Variants in JARID2 observed in about 807,000 individuals in gnomAD.
JARID2 encodes the protein protein Jumonji.
Under a neutral mutation model 125.6 loss-of-function variants are expected in JARID2, and 21 were observed. The observed-to-expected ratio is 0.17, with a 90% CI of 0.12 to 0.24. JARID2 has a LOEUF of 0.24. JARID2 is among the 10% of genes least tolerant of loss of function. The probability of loss-of-function intolerance (pLI) is 1.00; values close to 1 mark genes in which losing one functional copy is unlikely to be tolerated. For synonymous variants in JARID2, 736 were observed against 661.6 expected (o/e 1.11, Z -1.73); for missense variants, 1,303 against 1,639.6 (o/e 0.79, Z 3.55).
At chr6:15,259,817 G>T (rs1039208089) in intron 1 of JARID2, among the ~76,000 whole-genome samples, 4 of 152,124 alleles carry the variant, frequency 2.6e-5, no homozygotes. Flanking sequence ...TTCTAAAAAA[G>T]GATTTTAAAG....
chr6:15,255,025 CAAAA>C (rs539161155), intron 1 of JARID2, among the ~76,000 whole-genome samples: 8 of 141,628 alleles, frequency 5.6e-5, no homozygotes, highest in Admixed American at 1.4e-4. Context: ...AAACAAAAAA[CAAAA>C]AAAAAACACC....
At chr6:15,248,456 T>C (rs1476131503) in intron 1 of JARID2, 5 of 17,880 alleles carry the variant, frequency 2.8e-4, no homozygotes, top group African/African-American at 1.1e-3. Flanking sequence ...GGCGGGGGCG[T>C]GGGCGTGCCG....
intron 1 of JARID2, among the ~76,000 whole-genome samples, chr6:15,360,803 C>T (rs1763765808): frequency 6.6e-6 from 1 of 152,166 alleles, no homozygotes; most frequent in African/African-American, 2.4e-5. Context: ...CTGCGCCCAA[C>T]CTAGTCTTTC....
chr6:15,452,740 T>A (rs1343573226), intron 4 of JARID2, among the ~76,000 whole-genome samples: 3 of 152,234 alleles, frequency 2.0e-5, no homozygotes, highest in Non-Finnish European at 4.4e-5. Flanking sequence ...GGATTTGGGA[T>A]CTGCTGAATA....
intron 1 of JARID2, chr6:15,314,944 C>T (rs1561787390): frequency 6.6e-6 from 1 of 152,130 alleles, no homozygotes; most frequent in African/African-American, 2.4e-5. Context: ...AGCACATATA[C>T]TAAAATTGGA....
At chr6:15,332,935 C>CTT (rs33921682) in intron 1 of JARID2, among the ~76,000 whole-genome samples, 189 of 42,014 alleles carry the variant, frequency 4.5e-3, no homozygotes, top group Admixed American at 0.01. Flanking sequence ...CTTTTCTTTT[C>CTT]TTTTTTTTTT....
chr6:15,469,501 C>T (rs938373751), intron 5 of JARID2, among the ~76,000 whole-genome samples: 7 of 148,800 alleles, frequency 4.7e-5, no homozygotes, highest in Non-Finnish European at 7.4e-5. Context: ...GGCGCGATCT[C>T]GGCTCACTGC....
chr6:15,375,730 G>T (rs557760404), intron 2 of JARID2, among the ~76,000 whole-genome samples: 1 of 152,330 alleles, frequency 6.6e-6, no homozygotes, highest in South Asian at 2.1e-4. Context: ...TTGATTAAAT[G>T]TGGGGGGTTG....
chr6:15,438,492 C>T (rs1317362068), intron 3 of JARID2, among the ~76,000 whole-genome samples: 2 of 152,146 alleles, frequency 1.3e-5, no homozygotes, highest in Non-Finnish European at 2.9e-5. Context: ...TAGTTCATTT[C>T]CATGATTCCT....
intron 1 of JARID2, among the ~76,000 whole-genome samples, chr6:15,250,752 G>GTTTC (rs1759414290): frequency 6.6e-6 from 1 of 152,054 alleles, no homozygotes; most frequent in Admixed American, 6.6e-5. Flanking sequence ...CCTCATAGTG[G>GTTTC]GTTAAACCAG....
rs191884888 is a variant in JARID2 at position 15,472,795 on chromosome 6, G to A, written c.670+4077G>A. 1.2e-4 allele frequency among the ~76,000 whole-genome samples: 18 copies of A among 152,328 alleles called. No homozygotes were observed. The South Asian group carries it at 1.2e-3, about 11-fold the overall frequency. Reference sequence around the variant, plus strand: ...TGTTCAGTCTGTGTTAGGCCTGCCCGTTCCTGAGCAGGCACTCACTTCCTG... The same window carrying A: ...TGTTCAGTCTGTGTTAGGCCTGCCCATTCCTGAGCAGGCACTCACTTCCTG... On this transcript the variant is annotated intron_variant, in intron 5 of 17. Coordinates refer to ENST00000341776, the MANE Select transcript of JARID2 (RefSeq NM_004973.4).
Position 15,496,750 on chromosome 6 carries a change from C to T in JARID2, c.1525C>T (p.Pro509Ser). The T allele has an allele frequency of 1.2e-6, 2 of 1,613,624 alleles. No homozygotes were observed. Among genetic ancestry groups the T allele is most frequent in the Non-Finnish European group, 1.7e-6 (2 of 1,179,940 alleles). Residue 509 changes from proline (P) to serine (S), a missense_variant, in exon 7 of 18, where the codon CCA becomes TCA. By Grantham distance (74) the Pro-to-Ser change is moderately conservative. This residue lies in a region of JARID2 where 651 missense variants were observed against 581.6 expected (regional missense o/e 1.12). Coordinates refer to ENST00000341776, the MANE Select transcript of JARID2 (RefSeq NM_004973.4). ...GCGGGCCACGGCCGGGAAGAGCACGCCAGGCAGACAAGCACATGGCAAGGC... is the reference window on the plus strand; with the variant it reads ...GCGGGCCACGGCCGGGAAGAGCACGTCAGGCAGACAAGCACATGGCAAGGC... The part of the protein sequence containing the change: ...PKRATAGKST[P>S]GRQAHGKADS...
chr6:15,487,158 A>C, intron 5 of JARID2, 149 bp from the exon 6 acceptor site: 1 of 661,836 alleles, frequency 1.5e-6, no homozygotes, highest in Non-Finnish European at 2.7e-6. Flanking sequence ...TCCATGATCC[A>C]GTCACCTCCC....
intron 3 of JARID2, among the ~76,000 whole-genome samples, chr6:15,441,764 G>A (rs1275176375): frequency 1.3e-5 from 2 of 152,018 alleles, no homozygotes; most frequent in African/African-American, 4.8e-5. Context: ...CATTCCACTG[G>A]ATTTTCTTTA....
intron 3 of JARID2, among the ~76,000 whole-genome samples, chr6:15,421,522 A>G (rs1766488971): frequency 6.6e-6 from 1 of 152,178 alleles, no homozygotes; most frequent in African/African-American, 2.4e-5. Flanking sequence ...ACTCCATTCC[A>G]TAATAAAGCC....
intron 1 of JARID2, among the ~76,000 whole-genome samples, chr6:15,337,987 C>G (rs773404027): frequency 6.6e-6 from 1 of 152,150 alleles, no homozygotes; most frequent in Non-Finnish European, 1.5e-5. Flanking sequence ...GTCCTGCCAA[C>G]CAAATCCTCC....
At chr6:15,277,265 C>T (rs1224211521) in intron 1 of JARID2, among the ~76,000 whole-genome samples, 1 of 152,070 alleles carries the variant, frequency 6.6e-6, no homozygotes, top group Non-Finnish European at 1.5e-5. Context: ...AGTTACAGCC[C>T]AGTTTTCTTA....
At chr6:15,416,975 T>G (rs1253293861) in intron 3 of JARID2, among the ~76,000 whole-genome samples, 1 of 151,946 alleles carries the variant, frequency 6.6e-6, no homozygotes, top group Non-Finnish European at 1.5e-5. Context: ...GAAGGATGGT[T>G]ATGGAGGTGA....
intron 1 of JARID2, among the ~76,000 whole-genome samples, chr6:15,295,001 T>C (rs1761355421): frequency 6.6e-6 from 1 of 152,154 alleles, no homozygotes; most frequent in Non-Finnish European, 1.5e-5. Flanking sequence ...AATTCAAGAA[T>C]TTAGATAACC....
Sources: gnomAD v4.1 joint callset for allele counts (sites outside exome capture counted in the v4.1 genomes callset) on GRCh38, gnomAD v4.1.1 for gene constraint, gnomAD v4.1.1 regional missense constraint, MANE v1.5 for transcripts, NCBI Gene and HGNC (gene_info 2026-07-23, HGNC 2026-07-21) for gene names.